The following EXOC2 variants were observed in gnomAD, a reference collection of about 807,000 sequenced individuals.
The protein encoded by EXOC2 is SEC5-like 1.
A neutral mutation model predicts 131.8 loss-of-function variants in EXOC2; 70 were observed. The observed-to-expected ratio is 0.53, with a 90% CI of 0.44 to 0.65. The LOEUF (loss-of-function observed/expected upper bound fraction) is 0.65. Ranked by LOEUF, EXOC2 falls within the 30% of genes least tolerant of loss-of-function variation. The pLI, the probability that EXOC2 is intolerant of heterozygous loss-of-function variation, is 0.00. For missense variants in EXOC2, 923 were observed against 1,108.6 expected (o/e 0.83, Z 2.38); for synonymous variants, 411 against 398.4 (o/e 1.03, Z -0.38).
intron 1 of EXOC2, chr6:670,453 C>A (rs1384750830): frequency 1.3e-5 from 2 of 151,238 alleles, no homozygotes; most frequent in African/African-American, 4.9e-5. Flanking sequence ...CTGTGGTTTT[C>A]TCATTTTTGG....
intron 21 of EXOC2, among the ~76,000 whole-genome samples, chr6:552,054 C>T (rs987123738): frequency 3.3e-5 from 5 of 152,250 alleles, no homozygotes; most frequent in African/African-American, 1.2e-4. Context: ...AGCTGACTGC[C>T]TTCCCCTGCA....
chr6:507,104 ACAC>A (rs1264109446), intron 23 of EXOC2, among the ~76,000 whole-genome samples: 3 of 145,326 alleles, frequency 2.1e-5, no homozygotes, highest in Non-Finnish European at 3.0e-5. Context: ...ACACACACAC[ACAC>A]AGCAGTGACT....
At chr6:487,968 ATCAT>A (rs1763179186) in intron 27 of EXOC2, among the ~76,000 whole-genome samples, 1 of 152,160 alleles carries the variant, frequency 6.6e-6, no homozygotes, top group Non-Finnish European at 1.5e-5. Flanking sequence ...TCAATCTTTT[ATCAT>A]ATTTATTTTA....
At chr6:598,776 C>A in intron 9 of EXOC2, 84 bp downstream of exon 9, 1 of 1,115,466 alleles carries the variant, frequency 9.0e-7, no homozygotes, top group South Asian at 1.5e-5. Flanking sequence ...ACTAAAAACT[C>A]ATATAACATT....
At chr6:579,881 T>TA (rs34781204) in intron 11 of EXOC2, among the ~76,000 whole-genome samples, 2 of 151,562 alleles carry the variant, frequency 1.3e-5, no homozygotes, top group African/African-American at 4.8e-5. Context: ...AGCATTTCTA[T>TA]AAAAAAAAGA....
intron 21 of EXOC2, among the ~76,000 whole-genome samples, chr6:550,353 A>G (rs1431666950): frequency 1.3e-5 from 2 of 152,238 alleles, no homozygotes; most frequent in East Asian, 1.9e-4. Context: ...AGAGTATTTT[A>G]TATCTCCCAA....
intron 12 of EXOC2, 41 bp downstream of exon 12, chr6:576,716 C>A: frequency 6.2e-7 from 1 of 1,600,842 alleles, no homozygotes; most frequent in East Asian, 2.3e-5. Flanking sequence ...TACACGAGTA[C>A]AAATTTAAAA....
intron 21 of EXOC2, among the ~76,000 whole-genome samples, chr6:551,261 T>C (rs1218632468): frequency 6.6e-6 from 1 of 152,218 alleles, no homozygotes; most frequent in South Asian, 2.1e-4. Flanking sequence ...TCACACAGGA[T>C]GCGAACCAGT....
At chr6:507,951 C>A (rs1410576654) in intron 23 of EXOC2, among the ~76,000 whole-genome samples, 1 of 152,170 alleles carries the variant, frequency 6.6e-6, no homozygotes, top group African/African-American at 2.4e-5. Flanking sequence ...TTGTAAAGAA[C>A]ACAGTTGCCC....
At chr6:684,165 G>A (rs1016968210) in intron 1 of EXOC2, among the ~76,000 whole-genome samples, 1 of 152,170 alleles carries the variant, frequency 6.6e-6, no homozygotes, top group African/African-American at 2.4e-5. Flanking sequence ...CCCAGAGAGG[G>A]AGAAGGATGA....
intron 2 of EXOC2, among the ~76,000 whole-genome samples, chr6:633,552 T>G (rs573852075): frequency 6.6e-6 from 1 of 152,380 alleles, no homozygotes; most frequent in South Asian, 2.1e-4. Context: ...CCCATCTTCC[T>G]GAGACAAATC....
chr6:491,056 G>A (rs543674328), intron 26 of EXOC2, 69 bp downstream of exon 26: 2 of 1,485,262 alleles, frequency 1.3e-6, no homozygotes, highest in Admixed American at 1.7e-5. Flanking sequence ...CTTTACAGAG[G>A]ACAGAATTGA....
At chr6:531,334 C>A (rs975142948) in intron 23 of EXOC2, among the ~76,000 whole-genome samples, 2 of 140,336 alleles carry the variant, frequency 1.4e-5, no homozygotes, top group Non-Finnish European at 3.1e-5. Context: ...ATAGAACCTG[C>A]CTTAAACTTT....
intron 23 of EXOC2, among the ~76,000 whole-genome samples, chr6:516,182 C>T (rs938830697): frequency 2.0e-5 from 3 of 152,156 alleles, no homozygotes; most frequent in Non-Finnish European, 4.4e-5. Context: ...CTCACCTTAC[C>T]GCAGAGGGCA....
chr6:497,070 G>C (rs999835087), intron 25 of EXOC2, among the ~76,000 whole-genome samples: 6 of 152,210 alleles, frequency 3.9e-5, no homozygotes, highest in Non-Finnish European at 8.8e-5. Context: ...CTGCGGAATG[G>C]AATGTCATGA....
At chr6:497,639 T>C in intron 24 of EXOC2, 150 bp from the exon 25 acceptor site, 1 of 991,838 alleles carries the variant, frequency 1.0e-6, no homozygotes, top group Non-Finnish European at 1.4e-6. Context: ...GAAAGGAAGA[T>C]ACAGACTTAT....
chr6:538,239 C>T (rs977787583), intron 22 of EXOC2, among the ~76,000 whole-genome samples: 149 of 152,268 alleles, frequency 9.8e-4, no homozygotes, highest in African/African-American at 3.5e-3. Context: ...ATTCAGGAAA[C>T]TTGCATAGCA....
chr6:553,375 ATC>A (rs1378810256), intron 21 of EXOC2, among the ~76,000 whole-genome samples: 2 of 132,126 alleles, frequency 1.5e-5, no homozygotes, highest in African/African-American at 5.8e-5. Flanking sequence ...GTATGCATAC[ATC>A]TGTTTGTGTA....
rs201183664 is a variant in EXOC2 at position 617,661 on chromosome 6, G to A, written c.661+50C>T. ...CTGTAAACACCCTGCAGGCAGTGCC[G>A]GGTTTCCATGGCGGAAGCTGCCAGC... On this transcript the variant is annotated intron_variant, in intron 6 of 27. Coordinates refer to ENST00000230449, the MANE Select transcript of EXOC2 (RefSeq NM_018303.6). 3.8e-4 allele frequency: 602 copies of A among 1,589,358 alleles called. 1 individual carries two copies. The African/African-American group carries it at 4.4e-3, about 12-fold the overall frequency.
Sources: gnomAD v4.1 joint callset for allele counts (sites outside exome capture counted in the v4.1 genomes callset) on GRCh38, gnomAD v4.1.1 for gene constraint, MANE v1.5 for transcripts, NCBI Gene and HGNC (gene_info 2026-07-23, HGNC 2026-07-21) for gene names.